CARMIL3: variants seen among roughly 807,000 people sequenced by gnomAD.
The protein encoded by CARMIL3 is capping protein, Arp2/3 and myosin-I linker protein 3.
Under a neutral mutation model 180.8 loss-of-function variants are expected in CARMIL3, and 88 were observed. That is an observed-to-expected ratio of 0.49 (90% CI 0.41 to 0.58). The LOEUF (loss-of-function observed/expected upper bound fraction) is 0.58, where lower values mean the gene tolerates loss of function less well. CARMIL3 is among the 20% of genes least tolerant of loss of function. The pLI, the probability that CARMIL3 is intolerant of heterozygous loss-of-function variation, is 0.00. For missense variants in CARMIL3, 1,548 were observed against 1,787.0 expected (o/e 0.87, Z 2.41); for synonymous variants, 696 against 714.5 (o/e 0.97, Z 0.41).
Position 24,068,844 on chromosome 14 carries a change from G to A in CARMIL3, c.3860G>A (p.Arg1287His), listed in dbSNP as rs560808092. The stretch of plus-strand genomic sequence containing the variant: ...AAGCCAGTGGCTGTGCCCAGGGGCC[G>A]CCAGCCTCCCCAGGAGCCAGGGGTC... ...PPKPVAVPRG[R>H]QPPQEPGVRE... Residue 1287 changes from arginine (R) to histidine (H), a missense_variant, in exon 38 of 40, where the codon CGC becomes CAC. Physicochemically the swap from Arg to His is conservative, Grantham distance 29 (BLOSUM62 0). Around this residue, in one of 4 missense-constraint regions of CARMIL3, gnomAD observed 668 missense variants for 687.8 expected, o/e 0.97. Coordinates refer to ENST00000342740, the MANE Select transcript of CARMIL3 (RefSeq NM_138360.4). The A allele has an allele frequency of 1.5e-5, 25 of 1,613,262 alleles. No homozygotes were observed. The East Asian group carries it at 1.6e-4, about 10-fold the overall frequency.
At position 24,054,844 on chromosome 14, in the gene CARMIL3, C is replaced by T. The variant is rs988738501; in HGVS notation, c.460+36C>T. On this transcript the variant is annotated intron_variant, in intron 6 of 39. Transcript: ENST00000342740. The surrounding 1 kb of genome is among the most constrained non-coding windows in gnomAD (Gnocchi z 5.1). Reference sequence around the variant, plus strand: ...GCAGATGTGAGGAAAGTAGGCGCTCCACCATCTTGCCCCATGATCAGAGCC... The same window carrying T: ...GCAGATGTGAGGAAAGTAGGCGCTCTACCATCTTGCCCCATGATCAGAGCC... The T allele has an allele frequency of 6.3e-7, 1 of 1,588,482 alleles. No individual in the cohort carries two copies.
Position 24,054,133 on chromosome 14 carries a change from G to A in CARMIL3, c.181G>A (p.Ala61Thr), listed in dbSNP as rs748670105. Residue 61 changes from alanine to threonine, a missense_variant, in exon 3 of 40, where the codon GCC becomes ACC. By Grantham distance (58) the Ala-to-Thr change is moderately conservative. Coordinates refer to ENST00000342740, the MANE Select transcript of CARMIL3 (RefSeq NM_138360.4). This position sits in a 1 kb window ranked among gnomAD's most constrained non-coding sequence, Gnocchi z 5.1. Reference protein sequence around the residue: ...RLHLFLLKVPAKVESSFNVLE... With the variant: ...RLHLFLLKVPTKVESSFNVLE... ...CCACCTCTTCCTCCTTAAAGTCCCG[G>A]CCAAGGTGAGTTGGGCTGAGGAGCA... The A allele has an allele frequency of 1.2e-6, 2 of 1,614,172 alleles. No individual in the cohort carries two copies. The highest frequency in any genetic ancestry group is 1.7e-6 in the Non-Finnish European group (2 of 1,180,028).
Position 24,054,460 on chromosome 14 carries a change from A to G in CARMIL3, c.311A>G (p.Gln104Arg), listed in dbSNP as rs1247839893. Residue 104 changes from glutamine (Q) to arginine (R), a missense_variant, in exon 5 of 40, where the codon CAG (glutamine) becomes CGG (arginine). By Grantham distance (43) the Gln-to-Arg change is conservative. This residue lies in a region of CARMIL3 where 578 missense variants were observed against 666.5 expected (regional missense o/e 0.87). Transcript: ENST00000342740. The surrounding 1 kb of genome is among the most constrained non-coding windows in gnomAD (Gnocchi z 5.1). ...MRLPSAESVDQVTRHVSSALS... is the reference protein window; with the variant it reads ...MRLPSAESVDRVTRHVSSALS... Reference sequence around the variant, plus strand: ...CTGCCATCAGCTGAAAGTGTGGACCAGGTGACACGACATGTGAGCTCTGCC... The same window carrying G: ...CTGCCATCAGCTGAAAGTGTGGACCGGGTGACACGACATGTGAGCTCTGCC... 6.2e-7 allele frequency: 1 copy of G among 1,614,030 alleles called. No individual in the cohort carries two copies. Among genetic ancestry groups the G allele is most frequent in the Non-Finnish European group, 8.5e-7 (1 of 1,180,034 alleles).
chr14:24,066,893 G>T (rs1043353851), intron 36 of CARMIL3, among the ~76,000 whole-genome samples: 1 of 152,220 alleles, frequency 6.6e-6, no homozygotes, highest in Non-Finnish European at 1.5e-5. Context: ...AAACAGGAGC[G>T]ATGCTTTGTG....
chr14:24,057,951 T>C lies in CARMIL3; in HGVS notation c.1218-9T>C, dbSNP rs1402932357. The C allele has an allele frequency of 6.2e-7, 1 of 1,613,194 alleles. No individual in the cohort carries two copies. The highest frequency in any genetic ancestry group is 8.5e-7 in the Non-Finnish European group (1 of 1,179,898). ...CCCTCCCTCGCTGACCCCAGGGGTC[T>C]CTCCACAGGAAGGGTCGAGAGGCCC... is the stretch of plus-strand genomic sequence containing the variant. On this transcript the variant is annotated splice_polypyrimidine_tract_variant and intron_variant, in intron 15 of 39. Coordinates refer to ENST00000342740, the MANE Select transcript of CARMIL3 (RefSeq NM_138360.4).
chr14:24,054,629 T>C lies in CARMIL3; in HGVS notation c.363-82T>C, dbSNP rs1204072504. On this transcript the variant is annotated intron_variant, in intron 5 of 39. Coordinates refer to ENST00000342740, the MANE Select transcript of CARMIL3 (RefSeq NM_138360.4). This position sits in a 1 kb window ranked among gnomAD's most constrained non-coding sequence, Gnocchi z 5.1. ...CTCTCATGTCCCCACTCCTGGTTTT[T>C]CCTGGGATGCAGGAGCTATAACGTG... The C allele has an allele frequency of 1.3e-6, 2 of 1,517,390 alleles. No homozygotes were observed. Among genetic ancestry groups the C allele is most frequent in the African/African-American group, 1.4e-5 (1 of 72,434 alleles). The allele number at this position is 1,517,390 out of a possible 1,614,324, so 94.0% of individuals were successfully genotyped here.
Position 24,059,391 on chromosome 14 carries a change from A to T in CARMIL3, c.1748A>T (p.Asp583Val). ...GATCTGAGCGGCAATGGCATGGAGG[A>T]CATCGGGGCCAAGATGCTGTCTAAG... ...KVDLSGNGME[D>V]IGAKMLSKAL... Residue 583 changes from aspartate (D) to valine (V), a missense_variant, in exon 21 of 40, where the codon GAC becomes GTC. Around this residue, in one of 4 missense-constraint regions of CARMIL3, gnomAD observed 297 missense variants for 415.9 expected, o/e 0.71. Coordinates refer to ENST00000342740, the MANE Select transcript of CARMIL3 (RefSeq NM_138360.4). This position sits in a 1 kb window ranked among gnomAD's most constrained non-coding sequence, Gnocchi z 6.3. 1 of 1,608,924 alleles carries T rather than the reference A, an allele frequency of 6.2e-7. No individual in the cohort carries two copies. Among genetic ancestry groups the T allele is most frequent in the East Asian group, 2.2e-5 (1 of 44,522 alleles).
chr14:24,057,463 TC>T (rs2138722550), intron 14 of CARMIL3, among the ~76,000 whole-genome samples: 1 of 152,272 alleles, frequency 6.6e-6, no homozygotes, highest in African/African-American at 2.4e-5. Context: ...CAGCCCTTGC[TC>T]CCTTCCCCAG....
chr14:24,066,728 C>G, intron 36 of CARMIL3, 72 bp downstream of exon 36: 1 of 1,506,982 alleles, frequency 6.6e-7, no homozygotes, highest in Non-Finnish European at 9.1e-7. Context: ...AAGCCCATGG[C>G]CCCTGTGCTG....
chr14:24,061,336 G>C lies in CARMIL3; in HGVS notation c.2305-161G>C. On this transcript the variant is annotated intron_variant, in intron 26 of 39. Transcript: ENST00000342740. This position sits in a 1 kb window ranked among gnomAD's most constrained non-coding sequence, Gnocchi z 4.1. ...GAAGGAGCACTGACCAGAAAGTGGGGAAGCCTTAGTGTCCAAGGCTCTGCC... is the reference window on the plus strand; with the variant it reads ...GAAGGAGCACTGACCAGAAAGTGGGCAAGCCTTAGTGTCCAAGGCTCTGCC... 1 of 730,270 alleles carries C rather than the reference G, an allele frequency of 1.4e-6. No homozygotes were observed. Among genetic ancestry groups the C allele is most frequent in the Non-Finnish European group, 2.2e-6 (1 of 453,888 alleles). 45.2% of individuals were successfully genotyped at this position (730,270 alleles called of 1,614,324 possible).
Position 24,063,355 on chromosome 14 carries a change from T to C in CARMIL3, c.2801T>C (p.Leu934Pro), listed in dbSNP as rs2035752109. 6.2e-7 allele frequency: 1 copy of C among 1,606,918 alleles called. No homozygotes were observed. The highest frequency in any genetic ancestry group is 1.1e-5 in the South Asian group (1 of 90,566). The change falls in exon 31 of 40, where the codon CTG becomes CCG. Residue 934 changes from leucine (L) to proline (P), a missense_variant. Transcript: ENST00000342740. The part of the protein sequence containing the change: ...SGSPQDMESQ[L>P]GNLGIPPGWF... ...AGCCCTCAGGACATGGAAAGCCAACTGGGGAATCTGGGGATCCCCCCTGGC... is the reference window on the plus strand; with the variant it reads ...AGCCCTCAGGACATGGAAAGCCAACCGGGGAATCTGGGGATCCCCCCTGGC...
In CARMIL3 at chr14:24,063,442, AG is replaced by A. The variant is rs1412064148; in HGVS notation, c.2889del (p.Glu963AspfsTer9). On this transcript the variant is annotated frameshift_variant, in exon 31 of 40. Transcript: ENST00000342740. LOFTEE classifies it high-confidence loss of function. Reference sequence around the variant, plus strand: ...AGTGGCTCCTGGGAAGGTCTATCTGAGCTGCCCACTCATGGTTACAAACTAA... The same window carrying A: ...AGTGGCTCCTGGGAAGGTCTATCTGACTGCCCACTCATGGTTACAAACTAA... The part of the protein sequence containing the change: ...TASGSWEGLS[E>X]LPTHGYKLRH... 6.2e-7 allele frequency: 1 copy of A among 1,613,882 alleles called. No individual in the cohort carries two copies. Among genetic ancestry groups the A allele is most frequent in the South Asian group, 1.1e-5 (1 of 91,086 alleles).
chr14:24,068,573 C>G lies in CARMIL3; in HGVS notation c.3683-11C>G, dbSNP rs199544499. 2 of 1,598,554 alleles carry G rather than the reference C, an allele frequency of 1.3e-6. No homozygotes were observed. The highest frequency in any genetic ancestry group is 1.7e-6 in the Non-Finnish European group (2 of 1,169,972). On this transcript the variant is annotated splice_polypyrimidine_tract_variant and intron_variant, in intron 36 of 39. Transcript: ENST00000342740. ...CCTTTTCCTGCAGCTTCTCCTCTCT[C>G]TCATCCCCAGCTGAAGAGAGTGCCC... is the stretch of plus-strand genomic sequence containing the variant.
chr14:24,056,838 G>A, intron 12 of CARMIL3, 77 bp from the exon 13 acceptor site: 1 of 1,544,186 alleles, frequency 6.5e-7, no homozygotes, highest in Admixed American at 1.7e-5. Flanking sequence ...CCACGTTTGG[G>A]GAGAGGGGAA....
chr14:24,056,631 G>A lies in CARMIL3; in HGVS notation c.875G>A (p.Ser292Asn). Residue 292 changes from serine to asparagine, a missense_variant, in exon 12 of 40, where the codon AGT becomes AAT. Coordinates refer to ENST00000342740, the MANE Select transcript of CARMIL3 (RefSeq NM_138360.4). ...HNPIEDKGFL[S>N]LSQQLLCFPS... ...TCTCTCCACTCCCCAGGTTTTCTCA[G>A]TCTGAGCCAGCAGCTCCTCTGCTTC... 1.1e-5 allele frequency: 17 copies of A among 1,613,918 alleles called. No individual in the cohort carries two copies. The highest frequency in any genetic ancestry group is 1.4e-5 in the Non-Finnish European group (17 of 1,180,026).
At position 24,065,089 on chromosome 14, in the gene CARMIL3, G is replaced by A. The variant is rs1304898839; in HGVS notation, c.3212G>A (p.Gly1071Glu). The A allele has an allele frequency of 6.3e-7, 1 of 1,581,016 alleles. No individual in the cohort carries two copies. Among genetic ancestry groups the A allele is most frequent in the Admixed American group, 1.8e-5 (1 of 54,430 alleles). ...AGCTTCAAGGGGGACAGGGGGCCGG[G>A]GTCCCCTACCACTGGACTCCTCCTC... ...PRSFKGDRGPGSPTTGLLLPP... is the reference protein window; with the variant it reads ...PRSFKGDRGPESPTTGLLLPP... Residue 1071 changes from glycine (G) to glutamate (E), a missense_variant, in exon 33 of 40, where the codon GGG (glycine) becomes GAG (glutamate). Gly to Glu is a moderately conservative substitution (Grantham distance 98, BLOSUM62 -2). Transcript: ENST00000342740.
Position 24,058,738 on chromosome 14 carries a change from G to A in CARMIL3, c.1451G>A (p.Gly484Asp), listed in dbSNP as rs751183214. 3 of 1,614,150 alleles carry A rather than the reference G, an allele frequency of 1.9e-6. No individual in the cohort carries two copies. The Admixed American group carries it at 5.0e-5, about 27-fold the overall frequency. The change falls in exon 18 of 40, where the codon GGC (glycine) becomes GAC (aspartate). Residue 484 changes from glycine (G) to aspartate (D), a missense_variant. By Grantham distance (94) the Gly-to-Asp change is moderately conservative (BLOSUM62 -1). This residue lies in a region of CARMIL3 where 578 missense variants were observed against 666.5 expected (regional missense o/e 0.87). Coordinates refer to ENST00000342740, the MANE Select transcript of CARMIL3 (RefSeq NM_138360.4). This position sits in a 1 kb window ranked among gnomAD's most constrained non-coding sequence, Gnocchi z 6.4. ...CAGCTGGGAGCTGTCACCTGTGTAG[G>A]CAGCCTGGATCTGTCAGACAATGGT... ...QEQLGAVTCV[G>D]SLDLSDNGFD...
rs527302038 is a variant in CARMIL3, at chr14:24,056,170, T to G, written c.771-129T>G. 2.8e-5 allele frequency: 20 copies of G among 703,290 alleles called. No individual in the cohort carries two copies. The African/African-American group carries it at 3.6e-4, about 13-fold the overall frequency. The allele number at this position is 703,290 out of a possible 1,614,324, so 43.6% of individuals were successfully genotyped here. On this transcript the variant is annotated intron_variant, in intron 10 of 39. Coordinates refer to ENST00000342740, the MANE Select transcript of CARMIL3 (RefSeq NM_138360.4). Reference sequence around the variant, plus strand: ...ACAAGCTCCCTGGCAGGCCCTGAGCTGTTCCCCTGTTGTGGGGGCCTCTGA... The same window carrying G: ...ACAAGCTCCCTGGCAGGCCCTGAGCGGTTCCCCTGTTGTGGGGGCCTCTGA...
At chr14:24,069,009 G>A in intron 38 of CARMIL3, 43 bp downstream of exon 38, 1 of 1,548,640 alleles carries the variant, frequency 6.5e-7, no homozygotes. Context: ...GCACCTCTAG[G>A]ACTTTGCTGT....
Sources: allele counts gnomAD v4.1 joint callset (sites outside exome capture counted in the v4.1 genomes callset), GRCh38; gene constraint gnomAD v4.1.1; regional missense constraint gnomAD v4.1.1; non-coding constraint Gnocchi (gnomAD v3.1); transcripts MANE v1.5; gene names NCBI Gene and HGNC (gene_info 2026-07-23, HGNC 2026-07-21).